DGCR8: variants seen among roughly 807,000 people sequenced by gnomAD.
DGCR8 encodes DGCR8 microprocessor complex subunit.
In DGCR8, 14 loss-of-function variants were observed where a neutral mutation model predicts 78.5. The ratio of observed to expected loss-of-function variants is 0.18; its 90% CI spans 0.12 to 0.28. The LOEUF (loss-of-function observed/expected upper bound fraction) is 0.28. Ranked by LOEUF, DGCR8 falls within the 10% of genes least tolerant of loss-of-function variation. The pLI, the probability that DGCR8 is intolerant of heterozygous loss-of-function variation, is 1.00. For missense variants in DGCR8, 702 were observed against 1,022.5 expected (o/e 0.69, Z 4.28); for synonymous variants, 399 against 402.4 (o/e 0.99, Z 0.10).
Position 20,094,694 on chromosome 22 carries a change from G to A in DGCR8, c.1706-19G>A, listed in dbSNP as rs745661918. 65 of 1,611,488 alleles carry A rather than the reference G, an allele frequency of 4.0e-5. No homozygotes were observed. The highest frequency in any genetic ancestry group is 5.2e-5 in the Non-Finnish European group (61 of 1,177,918). Reference sequence around the variant, plus strand: ...AGGGCAGTGCCCAAGCCTCACCCTCGGGCTCTTTTTTTTCATAGCCCGAGC... The same window carrying A: ...AGGGCAGTGCCCAAGCCTCACCCTCAGGCTCTTTTTTTTCATAGCCCGAGC... On this transcript the variant is annotated intron_variant, in intron 8 of 13. Transcript: ENST00000351989.
chr22:20,092,775 C>G (rs774384546), intron 7 of DGCR8, 34 bp from the exon 8 acceptor site: 4 of 1,576,372 alleles, frequency 2.5e-6, no homozygotes, highest in South Asian at 2.2e-5. Context: ...TGTCTTGACT[C>G]GTATGTTTTA....
chr22:20,089,867 C>A lies in DGCR8; in HGVS notation c.1023+56C>A. The A allele has an allele frequency of 6.2e-7, 1 of 1,600,342 alleles. No individual in the cohort carries two copies. Among genetic ancestry groups the A allele is most frequent in the South Asian group, 1.1e-5 (1 of 90,012 alleles). ...TTGTAAGTTCTCAGACCAAAACGTGCACATCCACACACATGGCACCGCAGC... is the reference window on the plus strand; with the variant it reads ...TTGTAAGTTCTCAGACCAAAACGTGAACATCCACACACATGGCACCGCAGC... On this transcript the variant is annotated intron_variant, in intron 4 of 13. Coordinates refer to ENST00000351989, the MANE Select transcript of DGCR8 (RefSeq NM_022720.7). This position sits in a 1 kb window ranked among gnomAD's most constrained non-coding sequence, Gnocchi z 4.9.
chr22:20,093,949 C>A (rs549525440), intron 8 of DGCR8, among the ~76,000 whole-genome samples: 9 of 152,316 alleles, frequency 5.9e-5, no homozygotes, highest in Non-Finnish European at 1.2e-4. Flanking sequence ...GGCCTGCTGC[C>A]CATCTTAGAT....
chr22:20,100,427 A>T (rs2049683871), intron 9 of DGCR8: 1 of 985,270 alleles, frequency 1.0e-6, no homozygotes, highest in Non-Finnish European at 1.2e-6. Flanking sequence ...GAGGCTTCCA[A>T]GGCCCTCTGG....
At position 20,090,123 on chromosome 22, in the gene DGCR8, C is replaced by T. The variant is rs2049536286; in HGVS notation, c.1171C>T (p.Pro391Ser). 2 of 1,614,222 alleles carry T rather than the reference C, an allele frequency of 1.2e-6. No individual in the cohort carries two copies. The highest frequency in any genetic ancestry group is 2.2e-5 in the South Asian group (2 of 91,084). Residue 391 changes from proline to serine, a missense_variant, in exon 5 of 14, where the codon CCC becomes TCC. Physicochemically the swap from Pro to Ser is moderately conservative, Grantham distance 74. Around this residue, in one of 4 missense-constraint regions of DGCR8, gnomAD observed 119 missense variants for 126.1 expected, o/e 0.94. Coordinates refer to ENST00000351989, the MANE Select transcript of DGCR8 (RefSeq NM_022720.7). ...PLSRSAELEF[P>S]LDEPDSMGAD... ...GAGCCGATCTGCAGAGCTGGAGTTT[C>T]CCCTGGATGAGCCTGACTCTATGGG...
At chr22:20,091,038 G>A (rs540368094) in intron 5 of DGCR8, among the ~76,000 whole-genome samples, 1 of 152,302 alleles carries the variant, frequency 6.6e-6, no homozygotes, top group South Asian at 2.1e-4. Context: ...TACAGAGGTG[G>A]CCAGGATGGC....
rs73150869 is a variant in DGCR8 at position 20,087,347 on chromosome 22, G to C, written c.880+26G>C. 13,363 of 1,580,074 alleles carry C rather than the reference G, an allele frequency of 8.5e-3. 96 individuals carry two copies. The highest frequency in any genetic ancestry group is 9.9e-3 in the Non-Finnish European group (11,514 of 1,157,450). ...GTACGTGTGTGGGTCAGAAGCAGTGGGTGTTCCAGGGCAGTGGAGGGGTGG... is the reference window on the plus strand; with the variant it reads ...GTACGTGTGTGGGTCAGAAGCAGTGCGTGTTCCAGGGCAGTGGAGGGGTGG... On this transcript the variant is annotated intron_variant, in intron 3 of 13. Transcript: ENST00000351989. This position sits in a 1 kb window ranked among gnomAD's most constrained non-coding sequence, Gnocchi z 4.1.
Position 20,107,254 on chromosome 22 carries a change from GCT to G in DGCR8, c.1997-14_1997-13del. 1 of 1,614,062 alleles carries G rather than the reference GCT, an allele frequency of 6.2e-7. No homozygotes were observed. The highest frequency in any genetic ancestry group is 8.5e-7 in the Non-Finnish European group (1 of 1,179,984). ...TGTTTGTGACCCCCTCTCCATGCTT[GCT>G]CTTTCTCTGTGTAGGTAAGAACAAG... On this transcript the variant is annotated splice_polypyrimidine_tract_variant and intron_variant, in intron 11 of 13. Transcript: ENST00000351989.
At chr22:20,083,106 TC>T (rs2049436205) in intron 1 of DGCR8, among the ~76,000 whole-genome samples, 1 of 151,962 alleles carries the variant, frequency 6.6e-6, no homozygotes, top group Non-Finnish European at 1.5e-5. Flanking sequence ...ACCTGGAACA[TC>T]CCCTCCTCCC....
At chr22:20,100,341 A>G (rs1210156414) in intron 9 of DGCR8, 1 of 984,868 alleles carries the variant, frequency 1.0e-6, no homozygotes, top group Admixed American at 6.1e-5. Flanking sequence ...CTGGGATTAT[A>G]GGCGTGAGCC....
rs1183000078 is a variant in DGCR8 at position 20,111,258 on chromosome 22, A to G, written c.*1150A>G. On this transcript the variant is annotated 3_prime_UTR_variant, in exon 14 of 14. Coordinates refer to ENST00000351989, the MANE Select transcript of DGCR8 (RefSeq NM_022720.7). ...AGGCTGGCCCTGGTGGTGGACTGGC[A>G]CCTGTGCAGAGTGCCGTGTGCTTGT... 5.0e-6 allele frequency: 2 copies of G among 398,486 alleles called. No homozygotes were observed. The highest frequency in any genetic ancestry group is 8.8e-6 in the Non-Finnish European group (2 of 226,038). 24.7% of individuals were successfully genotyped at this position (398,486 alleles called of 1,614,324 possible). A position where few individuals can be genotyped will look rare whatever the true frequency, so the allele number is the denominator to read the frequency against.
Position 20,110,649 on chromosome 22 carries a change from A to G in DGCR8, c.*541A>G, listed in dbSNP as rs759328336. On this transcript the variant is annotated 3_prime_UTR_variant, in exon 14 of 14. Coordinates refer to ENST00000351989, the MANE Select transcript of DGCR8 (RefSeq NM_022720.7). ...CCCTTCTTTGAAAAGGTAGAAGAGAAAGGAATATTTTAAACCTTTTTGGCT... is the reference window on the plus strand; with the variant it reads ...CCCTTCTTTGAAAAGGTAGAAGAGAGAGGAATATTTTAAACCTTTTTGGCT... The G allele has an allele frequency of 1.5e-4, 24 of 154,972 alleles. No individual in the cohort carries two copies. Among genetic ancestry groups the G allele is most frequent in the Admixed American group, 1.3e-4 (2 of 15,360 alleles). 9.6% of individuals were successfully genotyped at this position (154,972 alleles called of 1,614,324 possible).
At position 20,111,796 on chromosome 22, in the gene DGCR8, G is replaced by C. The variant is rs1040583760; in HGVS notation, c.*1688G>C. 25 of 217,342 alleles carry C rather than the reference G, an allele frequency of 1.2e-4. No individual in the cohort carries two copies. The highest frequency in any genetic ancestry group is 5.8e-4 in the African/African-American group (25 of 43,046). The allele number at this position is 217,342 out of a possible 1,614,324, so 13.5% of individuals were successfully genotyped here. On this transcript the variant is annotated 3_prime_UTR_variant, in exon 14 of 14. Transcript: ENST00000351989. Reference sequence around the variant, plus strand: ...AGGCCGGGGCAGGGGAGCCTGTGCTGATGCCATCCAGGGCACTGGGCTGTG... The same window carrying C: ...AGGCCGGGGCAGGGGAGCCTGTGCTCATGCCATCCAGGGCACTGGGCTGTG...
At chr22:20,091,784 C>G (rs2049566102) in intron 6 of DGCR8, 85 bp from the exon 7 acceptor site, 1 of 1,491,224 alleles carries the variant, frequency 6.7e-7, no homozygotes, top group Non-Finnish European at 9.3e-7. Context: ...GTCGTGAGCC[C>G]CTAGTTACTG....
At chr22:20,082,093 G>C (rs1048605749) in intron 1 of DGCR8, among the ~76,000 whole-genome samples, 4 of 141,200 alleles carry the variant, frequency 2.8e-5, no homozygotes, top group African/African-American at 1.1e-4. Flanking sequence ...ATCTCGCTCT[G>C]TCGCCCAGAC....
In DGCR8 at chr22:20,110,049, A is replaced by G. The variant is rs1398709527; in HGVS notation, c.2263A>G (p.Met755Val). Residue 755 changes from methionine to valine, a missense_variant, in exon 14 of 14, where the codon ATG (methionine) becomes GTG (valine). Physicochemically the swap from Met to Val is conservative, Grantham distance 21. Around this residue, in one of 4 missense-constraint regions of DGCR8, gnomAD observed 225 missense variants for 427.7 expected, o/e 0.53. Coordinates refer to ENST00000351989, the MANE Select transcript of DGCR8 (RefSeq NM_022720.7). The part of the protein sequence containing the change: ...EREETRKKPK[M>V]SIVASAQPGG... ...GGAGGAGACTCGAAAGAAGCCCAAG[A>G]TGTCCATTGTGGCGTCCGCCCAGCC... 4 of 1,613,712 alleles carry G rather than the reference A, an allele frequency of 2.5e-6. No homozygotes were observed. Among genetic ancestry groups the G allele is most frequent in the Admixed American group, 3.3e-5 (2 of 60,030 alleles).
intron 7 of DGCR8, among the ~76,000 whole-genome samples, chr22:20,092,386 C>A (rs2049576070): frequency 1.3e-5 from 2 of 152,188 alleles, no homozygotes; most frequent in Non-Finnish European, 2.9e-5. Context: ...CTCATCACAC[C>A]TTTGTGAAGA....
In DGCR8 at chr22:20,107,907, G is replaced by A. The variant is rs535570024; in HGVS notation, c.2124+509G>A. On this transcript the variant is annotated intron_variant, in intron 12 of 13. Coordinates refer to ENST00000351989, the MANE Select transcript of DGCR8 (RefSeq NM_022720.7). ...AGCCAGTGCCCACTCCTGAGGGGTGGAGGGTAACATGGGGAGGTGAGTGTA... is the reference window on the plus strand; with the variant it reads ...AGCCAGTGCCCACTCCTGAGGGGTGAAGGGTAACATGGGGAGGTGAGTGTA... 12 of 159,062 alleles carry A rather than the reference G, an allele frequency of 7.5e-5. No homozygotes were observed. The South Asian group carries it at 2.0e-3, about 27-fold the overall frequency. The allele number at this position is 159,062 out of a possible 1,614,324, so 9.9% of individuals were successfully genotyped here. A position where few individuals can be genotyped will look rare whatever the true frequency, so the allele number is the denominator to read the frequency against.
At position 20,091,913 on chromosome 22, in the gene DGCR8, C is replaced by T. The variant is rs765909332; in HGVS notation, c.1549C>T (p.His517Tyr). ...PNGKSEVCIL[H>Y]EYMQRVLKVR... ...CGGGAAATCCGAGGTCTGCATCCTG[C>T]ACGAGTACATGCAGCGTGTCCTCAA... Residue 517 changes from histidine to tyrosine, a missense_variant, in exon 7 of 14, where the codon CAC (histidine) becomes TAC (tyrosine). Transcript: ENST00000351989. 1 of 1,614,176 alleles carries T rather than the reference C, an allele frequency of 6.2e-7. No individual in the cohort carries two copies. Among genetic ancestry groups the T allele is most frequent in the Non-Finnish European group, 8.5e-7 (1 of 1,180,036 alleles).
Sources: allele counts gnomAD v4.1 joint callset (sites outside exome capture counted in the v4.1 genomes callset), GRCh38; gene constraint gnomAD v4.1.1; regional missense constraint gnomAD v4.1.1; non-coding constraint Gnocchi (gnomAD v3.1); transcripts MANE v1.5; gene names NCBI Gene and HGNC (gene_info 2026-07-23, HGNC 2026-07-21).